PDE1A: variants seen among roughly 807,000 people sequenced by gnomAD.
PDE1A encodes the protein phosphodiesterase 1A, also known as dual specificity calcium/calmodulin-dependent 3',5'-cyclic nucleotide phosphodiesterase 1A.
In PDE1A, 35 loss-of-function variants were observed where a neutral mutation model predicts 61.7. The observed-to-expected ratio is 0.57, with a 90% CI of 0.43 to 0.75. PDE1A has a LOEUF of 0.75. Ranked by LOEUF, PDE1A falls within the 30% of genes least tolerant of loss-of-function variation. PDE1A has a pLI of 0.00. For missense variants in PDE1A, 597 were observed against 630.6 expected, an observed-to-expected ratio of 0.95 and a Z score of 0.57; for synonymous variants, 232 against 213.2, an observed-to-expected ratio of 1.09 and a Z score of -0.77.
rs565523276 is a variant in PDE1A, at chr2:182,357,573, T to C, written c.53+69005A>G. 6.6e-5 allele frequency among the ~76,000 whole-genome samples: 10 copies of C among 152,300 alleles called. 2 individuals carry two copies. In the South Asian group the frequency reaches 2.1e-3, roughly 32 times the overall value. ...AACAGATTTTGAGCATTGCAGAAAG[T>C]GTGTTTATTTATTTATTTATTTATT... On this transcript the variant is annotated intron_variant, in intron 1 of 13. Coordinates refer to ENST00000351439, the Ensembl canonical transcript of PDE1A.
At chr2:182,372,645 GAAGGTAC>G in intron 1 of PDE1A, among the ~76,000 whole-genome samples, 1 of 152,188 alleles carries the variant, frequency 6.6e-6, no homozygotes, top group East Asian at 1.9e-4. Flanking sequence ...TGAAGAGTGA[GAAGGTAC>G]AATGTTTAAG....
intron 2 of PDE1A, among the ~76,000 whole-genome samples, chr2:182,254,449 T>G (rs1691629268): frequency 6.6e-6 from 1 of 152,196 alleles, no homozygotes; most frequent in African/African-American, 2.4e-5. Flanking sequence ...CCTCAGGGAC[T>G]TTTCCAAATG....
upstream of PDE1A, among the ~76,000 whole-genome samples, chr2:182,430,316 C>A (rs990495926): frequency 5.7e-5 from 7 of 123,494 alleles, no homozygotes; most frequent in African/African-American, 1.9e-4. Flanking sequence ...AGACACTTCT[C>A]AAAAGAAGAC....
At chr2:182,243,569 T>C (rs955602282) in intron 2 of PDE1A, among the ~76,000 whole-genome samples, 3 of 152,138 alleles carry the variant, frequency 2.0e-5, no homozygotes, top group Non-Finnish European at 4.4e-5. Flanking sequence ...TAAGCTAATA[T>C]CAGGCCTTGG....
At chr2:182,278,851 A>T (rs978915086) in intron 1 of PDE1A, among the ~76,000 whole-genome samples, 1 of 152,018 alleles carries the variant, frequency 6.6e-6, no homozygotes, top group African/African-American at 2.4e-5. Flanking sequence ...AGTTCTTTTT[A>T]CAATTTTTAA....
chr2:182,540,979 A>G, the PDE1A span, among the ~76,000 whole-genome samples: 2 of 152,076 alleles, frequency 1.3e-5, no homozygotes, highest in Non-Finnish European at 2.9e-5. Flanking sequence ...CCCTATTACC[A>G]TTAGCTAAAA....
intron 3 of PDE1A, 49 bp downstream of exon 3, chr2:182,240,061 T>G (rs1690376103): frequency 6.6e-7 from 1 of 1,519,632 alleles, no homozygotes; most frequent in Non-Finnish European, 9.0e-7. Context: ...TGAATGTATC[T>G]GCTGCCTTTC....
chr2:182,579,865 T>C, the PDE1A span, among the ~76,000 whole-genome samples: 12 of 152,172 alleles, frequency 7.9e-5, no homozygotes, highest in Non-Finnish European at 5.9e-5. Flanking sequence ...AGGGCATTAA[T>C]TCCATGAGAA....
chr2:182,194,881 TCACACACACACACACA>T (rs55809632), intron 10 of PDE1A, among the ~76,000 whole-genome samples: 9 of 144,832 alleles, frequency 6.2e-5, no homozygotes, highest in Admixed American at 3.5e-4. Context: ...TCTGAAATAT[TCACACACACACACACA>T]CACACACACA....
At position 182,386,738 on chromosome 2, in the gene PDE1A, C is replaced by T. The variant is rs547465605; in HGVS notation, c.53+39840G>A. On this transcript the variant is annotated intron_variant, in intron 1 of 13. Coordinates refer to ENST00000351439, the Ensembl canonical transcript of PDE1A. ...GAGCGTCTCCGCCCGGCAGCCACCT[C>T]GTCCAGGAGGGAGGTGGAGGGCCAG... 6.6e-5 allele frequency among the ~76,000 whole-genome samples: 10 copies of T among 152,088 alleles called. No homozygotes were observed. The East Asian group carries it at 2.0e-3, about 30-fold the overall frequency.
At chr2:182,636,738 A>G in the PDE1A span, among the ~76,000 whole-genome samples, 1 of 152,208 alleles carries the variant, frequency 6.6e-6, no homozygotes, top group Non-Finnish European at 1.5e-5. Flanking sequence ...CCCTGCTTAG[A>G]GTCTCACAGG....
chr2:182,570,818 T>C, the PDE1A span, among the ~76,000 whole-genome samples: 1 of 152,146 alleles, frequency 6.6e-6, no homozygotes, highest in Non-Finnish European at 1.5e-5. Context: ...TATCCATATA[T>C]TAGACATGAA....
At chr2:182,382,309 G>C (rs1169485333) in intron 1 of PDE1A, among the ~76,000 whole-genome samples, 2 of 152,182 alleles carry the variant, frequency 1.3e-5, no homozygotes, top group Non-Finnish European at 2.9e-5. Context: ...AGAACGTTTT[G>C]ACAAATGGTT....
chr2:182,289,277 A>G (rs890598527), intron 1 of PDE1A, among the ~76,000 whole-genome samples: 1 of 152,052 alleles, frequency 6.6e-6, no homozygotes, highest in Non-Finnish European at 1.5e-5. Context: ...TTCCCTTTCT[A>G]GCTAAAGTTT....
chr2:182,568,155 C>G, the PDE1A span, among the ~76,000 whole-genome samples: 1 of 151,624 alleles, frequency 6.6e-6, no homozygotes, highest in East Asian at 1.9e-4. Context: ...TGTAGAGTTT[C>G]CTTTAGTTAA....
Position 182,393,950 on chromosome 2 carries a change from A to G in PDE1A, c.53+32628T>C, listed in dbSNP as rs367730260. Among the ~76,000 whole-genome samples, 16 of 152,310 alleles carry G rather than the reference A, an allele frequency of 1.1e-4. No individual in the cohort carries two copies. The East Asian group carries it at 1.2e-3, about 11-fold the overall frequency. On this transcript the variant is annotated intron_variant, in intron 1 of 13. Transcript: ENST00000351439. ...TCTCTAGGAAGTTCCACACTTTCCC[A>G]CATCTTACTGTCTTCTGAGCTCTCC...
the PDE1A span, among the ~76,000 whole-genome samples, chr2:182,567,763 T>G: frequency 1.3e-5 from 2 of 151,936 alleles, no homozygotes; most frequent in African/African-American, 4.8e-5. Flanking sequence ...ATAAATCATT[T>G]TAATGTTTAC....
the PDE1A span, among the ~76,000 whole-genome samples, chr2:182,570,800 G>T: frequency 6.6e-6 from 1 of 152,150 alleles, no homozygotes; most frequent in Admixed American, 6.6e-5. Context: ...AGAGCTTAAG[G>T]ATTTGTGTAT....
chr2:182,477,613 A>G (rs2125831829), intron 2 of PDE1A, among the ~76,000 whole-genome samples: 1 of 152,012 alleles, frequency 6.6e-6, no homozygotes, highest in South Asian at 2.1e-4. Flanking sequence ...GTAGGGTTGA[A>G]GGTTAACTGG....
Sources: allele counts gnomAD v4.1 joint callset (sites outside exome capture counted in the v4.1 genomes callset), GRCh38; gene constraint gnomAD v4.1.1; transcripts MANE v1.5; gene names NCBI Gene and HGNC (gene_info 2026-07-23, HGNC 2026-07-21).